SLC24A2: variants seen among roughly 807,000 people sequenced by gnomAD.
The protein encoded by SLC24A2 is sodium/potassium/calcium exchanger 2.
In SLC24A2, 36 loss-of-function variants were observed where a neutral mutation model predicts 62.0. The observed-to-expected ratio is 0.58, with a 90% CI of 0.44 to 0.77. The LOEUF (loss-of-function observed/expected upper bound fraction) is 0.77. Among genes scored for constraint, SLC24A2 ranks in the 30% least tolerant of loss-of-function variants. The pLI is 0.00. For missense variants in SLC24A2, 846 were observed against 817.9 expected, an observed-to-expected ratio of 1.03 and a Z score of -0.42; for synonymous variants, 358 against 294.0, an observed-to-expected ratio of 1.22 and a Z score of -2.23.
chr9:19,824,140 AG>A, the SLC24A2 span, among the ~76,000 whole-genome samples: 1 of 152,220 alleles, frequency 6.6e-6, no homozygotes, highest in South Asian at 2.1e-4. Flanking sequence ...AAACACCAAA[AG>A]CAATGGCAAC....
chr9:20,067,940 C>T, the SLC24A2 span, among the ~76,000 whole-genome samples: 11 of 151,576 alleles, frequency 7.3e-5, no homozygotes, highest in African/African-American at 1.2e-4. Context: ...GCTCTAAATT[C>T]TTTGAGAAAT....
chr9:20,031,261 ATG>A, the SLC24A2 span, among the ~76,000 whole-genome samples: 10 of 149,358 alleles, frequency 6.7e-5, no homozygotes, highest in East Asian at 1.8e-3. Context: ...TACTTATAAA[ATG>A]TGTGTGTGCG....
In SLC24A2 at chr9:19,521,130, C is replaced by T. The variant is rs1833177676; in HGVS notation, c.1570-70G>A. 6 of 1,390,370 alleles carry T rather than the reference C, an allele frequency of 4.3e-6. No homozygotes were observed. The Admixed American group carries it at 7.0e-5, about 16-fold the overall frequency. 86.1% of individuals were successfully genotyped at this position (1,390,370 alleles called of 1,614,324 possible). A position where few individuals can be genotyped will look rare whatever the true frequency, so the allele number is the denominator to read the frequency against. ...AAAATCATAAAAATCACAAAAATTT[C>T]AATGCGACCTCCTTTTAATGCATTT... On this transcript the variant is annotated intron_variant, in intron 9 of 10. Coordinates refer to ENST00000341998, the MANE Select transcript of SLC24A2 (RefSeq NM_020344.4).
At chr9:20,258,825 C>CTACCT in the SLC24A2 span, among the ~76,000 whole-genome samples, 34 of 142,148 alleles carry the variant, frequency 2.4e-4, no homozygotes, top group East Asian at 1.0e-3. Context: ...CCTTATCTAT[C>CTACCT]TATCTATCTG....
chr9:19,509,246 T>C lies in SLC24A2; in HGVS notation c.*6907A>G, dbSNP rs1832619348. On this transcript the variant is annotated 3_prime_UTR_variant, in exon 11 of 11. Coordinates refer to ENST00000341998, the MANE Select transcript of SLC24A2 (RefSeq NM_020344.4). ...GTATTAGAACTTGCTAAAGAAACTG[T>C]AATAAGCTATTTTGAAAACGAAGAC... The C allele has an allele frequency of 6.6e-6, 1 of 152,214 alleles. No homozygotes were observed. The highest frequency in any genetic ancestry group is 1.5e-5 in the Non-Finnish European group (1 of 68,018). 9.4% of individuals were successfully genotyped at this position (152,214 alleles called of 1,614,324 possible). A position where few individuals can be genotyped will look rare whatever the true frequency, so the allele number is the denominator to read the frequency against.
At chr9:20,004,810 GA>G in the SLC24A2 span, among the ~76,000 whole-genome samples, 1 of 122,172 alleles carries the variant, frequency 8.2e-6, no homozygotes, top group East Asian at 1.9e-4. Flanking sequence ...TGAAGATGAT[GA>G]TTTTTTTTTT....
At chr9:19,668,497 T>C (rs961140403) in intron 2 of SLC24A2, among the ~76,000 whole-genome samples, 3 of 152,228 alleles carry the variant, frequency 2.0e-5, no homozygotes, top group Non-Finnish European at 4.4e-5. Context: ...CCTCTACCTG[T>C]AGAATTCCTA....
At chr9:20,238,442 T>C in the SLC24A2 span, among the ~76,000 whole-genome samples, 9 of 152,172 alleles carry the variant, frequency 5.9e-5, no homozygotes, top group Non-Finnish European at 1.2e-4. Flanking sequence ...GCACCCACCA[T>C]ACCACCCCAG....
the SLC24A2 span, among the ~76,000 whole-genome samples, chr9:19,824,335 C>T: frequency 2.0e-5 from 3 of 152,022 alleles, no homozygotes; most frequent in Admixed American, 6.6e-5. Flanking sequence ...AAGAAAAAAA[C>T]AACCCCATCA....
At chr9:19,808,159 C>G in the SLC24A2 span, among the ~76,000 whole-genome samples, 1 of 152,134 alleles carries the variant, frequency 6.6e-6, no homozygotes, top group East Asian at 1.9e-4. This position sits in a 1 kb window ranked among gnomAD's most constrained non-coding sequence, Gnocchi z 4.1. Context: ...AGCCACTGTT[C>G]CTTGTAGTTA....
the SLC24A2 span, among the ~76,000 whole-genome samples, chr9:19,828,549 C>T: frequency 6.6e-6 from 1 of 152,114 alleles, no homozygotes; most frequent in Non-Finnish European, 1.5e-5. Context: ...TCTCAGTACT[C>T]TGTGAGTAAA....
intron 2 of SLC24A2, among the ~76,000 whole-genome samples, chr9:19,654,444 C>T (rs953078977): frequency 2.0e-5 from 3 of 152,118 alleles, no homozygotes; most frequent in Non-Finnish European, 4.4e-5. Context: ...ATGGTTTTCT[C>T]CTCAACTGGT....
chr9:19,591,852 T>A (rs559227043), intron 5 of SLC24A2, among the ~76,000 whole-genome samples: 1 of 152,224 alleles, frequency 6.6e-6, no homozygotes, highest in Non-Finnish European at 1.5e-5. Flanking sequence ...TTCTGCTATA[T>A]ATAGCTAAAG....
chr9:20,041,563 T>G, the SLC24A2 span, among the ~76,000 whole-genome samples: 4 of 152,100 alleles, frequency 2.6e-5, no homozygotes, highest in African/African-American at 9.7e-5. Flanking sequence ...CCTTGTATCA[T>G]CAAAATCAGT....
chr9:20,232,379 T>C, the SLC24A2 span, among the ~76,000 whole-genome samples: 1 of 152,212 alleles, frequency 6.6e-6, no homozygotes, highest in African/African-American at 2.4e-5. Flanking sequence ...GTTTTTTTGG[T>C]TGGTAAGCTA....
At chr9:19,532,163 A>T (rs1050210084) in intron 8 of SLC24A2, among the ~76,000 whole-genome samples, 1 of 152,094 alleles carries the variant, frequency 6.6e-6, no homozygotes, top group African/African-American at 2.4e-5. Context: ...GCTCACCATA[A>T]CCTCCACCTT....
intron 9 of SLC24A2, 55 bp from the exon 10 acceptor site, chr9:19,521,115 A>C (rs1240411486): frequency 1.9e-6 from 3 of 1,556,606 alleles, no homozygotes; most frequent in South Asian, 1.1e-5. Flanking sequence ...AAAATCATAA[A>C]AATCACAAAA....
At chr9:20,021,244 T>C in the SLC24A2 span, among the ~76,000 whole-genome samples, 1 of 152,070 alleles carries the variant, frequency 6.6e-6, no homozygotes, top group South Asian at 2.1e-4. Flanking sequence ...ACATGCATGT[T>C]AGCGTGTAGT....
the SLC24A2 span, among the ~76,000 whole-genome samples, chr9:20,226,224 G>A: frequency 6.6e-6 from 1 of 152,078 alleles, no homozygotes; most frequent in Non-Finnish European, 1.5e-5. Flanking sequence ...ACACACCATA[G>A]TGCCATAAGA....
Sources: allele counts gnomAD v4.1 joint callset (sites outside exome capture counted in the v4.1 genomes callset), GRCh38; gene constraint gnomAD v4.1.1; non-coding constraint Gnocchi (gnomAD v3.1); transcripts MANE v1.5; gene names NCBI Gene and HGNC (gene_info 2026-07-23, HGNC 2026-07-21).